The following LINGO2 variants were observed in gnomAD, a reference collection of about 807,000 sequenced individuals.
LINGO2 encodes leucine-rich repeat and immunoglobulin-like domain-containing nogo receptor-interacting protein 2.
LINGO2 carries 14 observed loss-of-function variants against 30.6 expected under a neutral mutation model. The observed-to-expected ratio is 0.46, with a 90% CI of 0.30 to 0.72. LINGO2 has a LOEUF of 0.72. Among genes scored for constraint, LINGO2 ranks in the 30% least tolerant of loss-of-function variants. The pLI, the probability that LINGO2 is intolerant of heterozygous loss-of-function variation, is 0.07. For synonymous variants in LINGO2, 317 were observed against 288.5 expected (o/e 1.10, Z -1.00); for missense variants, 729 against 751.7 (o/e 0.97, Z 0.35).
At chr9:29,080,693 C>T in the LINGO2 span, among the ~76,000 whole-genome samples, 6 of 152,150 alleles carry the variant, frequency 3.9e-5, no homozygotes, top group East Asian at 3.9e-4. Context: ...GCCTTCATTT[C>T]GTTATGTACC....
At chr9:29,008,176 G>A in the LINGO2 span, among the ~76,000 whole-genome samples, 1 of 152,106 alleles carries the variant, frequency 6.6e-6, no homozygotes, top group Non-Finnish European at 1.5e-5. Flanking sequence ...AACATGTGAT[G>A]TTTGGTTTTC....
chr9:28,548,358 T>C (rs1459061082), intron 1 of LINGO2, among the ~76,000 whole-genome samples: 2 of 152,018 alleles, frequency 1.3e-5, no homozygotes, highest in East Asian at 3.9e-4. Flanking sequence ...GTTACACTAA[T>C]GAAAAATAAA....
At chr9:28,883,618 A>ATGTGTGTGTG in the LINGO2 span, among the ~76,000 whole-genome samples, 11 of 36,296 alleles carry the variant, frequency 3.0e-4, no homozygotes, top group South Asian at 1.4e-3. Flanking sequence ...TATATAAAAT[A>ATGTGTGTGTG]TGTGTGTGTG....
intron 5 of LINGO2, among the ~76,000 whole-genome samples, chr9:27,994,037 A>T (rs1273128290): frequency 6.6e-6 from 1 of 152,138 alleles, no homozygotes; most frequent in East Asian, 1.9e-4. Context: ...ATTAATCAAC[A>T]TACTCCTGAA....
the LINGO2 span, among the ~76,000 whole-genome samples, chr9:29,087,066 G>A: frequency 4.5e-3 from 680 of 152,106 alleles, 2 homozygotes; most frequent in African/African-American, 0.016. Context: ...TAGTAGAGAC[G>A]GGGTTTCACC....
chr9:28,547,807 T>A (rs1171396653), intron 1 of LINGO2, among the ~76,000 whole-genome samples: 2 of 151,918 alleles, frequency 1.3e-5, no homozygotes, highest in African/African-American at 2.4e-5. Flanking sequence ...ATATACAGAG[T>A]GAATGGTGAA....
At chr9:28,204,061 G>A (rs540705959) in intron 4 of LINGO2, among the ~76,000 whole-genome samples, 2 of 152,200 alleles carry the variant, frequency 1.3e-5, no homozygotes, top group South Asian at 4.1e-4. Flanking sequence ...GCCACAAAGG[G>A]CTAGTGTTGC....
intron 2 of LINGO2, among the ~76,000 whole-genome samples, chr9:28,463,328 G>A (rs1033183746): frequency 6.6e-6 from 1 of 151,850 alleles, no homozygotes; most frequent in African/African-American, 2.4e-5. Context: ...TCGATTTTTT[G>A]AATGAGTGGG....
intron 5 of LINGO2, among the ~76,000 whole-genome samples, chr9:27,992,520 G>A (rs901363434): frequency 6.6e-6 from 1 of 152,026 alleles, no homozygotes; most frequent in African/African-American, 2.4e-5. Context: ...AATTAAAATA[G>A]TTATGTAATG....
intron 2 of LINGO2, among the ~76,000 whole-genome samples, chr9:28,467,743 T>C (rs1055223802): frequency 1.3e-5 from 2 of 152,132 alleles, no homozygotes; most frequent in Non-Finnish European, 2.9e-5. Flanking sequence ...ACAGTGCTTA[T>C]TGGGGTCATA....
At chr9:29,164,495 G>A in the LINGO2 span, among the ~76,000 whole-genome samples, 21 of 142,468 alleles carry the variant, frequency 1.5e-4, no homozygotes, top group Admixed American at 4.5e-4. Flanking sequence ...AAAATCATAC[G>A]ATGTTATCAA....
chr9:29,137,692 T>C, the LINGO2 span, among the ~76,000 whole-genome samples: 1 of 152,020 alleles, frequency 6.6e-6, no homozygotes, highest in African/African-American at 2.4e-5. Context: ...CTTTTCGGAG[T>C]GAAGGCTGAG....
chr9:28,297,111 G>T (rs1490178595), intron 3 of LINGO2, among the ~76,000 whole-genome samples: 1 of 152,184 alleles, frequency 6.6e-6, no homozygotes, highest in African/African-American at 2.4e-5. Flanking sequence ...TGGGTTTGAA[G>T]TGAGAAATTT....
chr9:28,992,864 AGT>A, the LINGO2 span, among the ~76,000 whole-genome samples: 1 of 152,114 alleles, frequency 6.6e-6, no homozygotes, highest in South Asian at 2.1e-4. Flanking sequence ...CATTCAAAGC[AGT>A]GTGTAGAGGG....
intron 1 of LINGO2, among the ~76,000 whole-genome samples, chr9:28,505,456 A>C (rs1820070272): frequency 6.6e-6 from 1 of 151,974 alleles, no homozygotes. Flanking sequence ...AGTTTTGGAA[A>C]GTTGAAAATG....
At position 28,666,184 on chromosome 9, in the gene LINGO2, G is replaced by A. The variant is rs116108185; in HGVS notation, c.-365+4016C>T. Among the ~76,000 whole-genome samples, 411 of 152,150 alleles carry A rather than the reference G, an allele frequency of 2.7e-3. 2 individuals carry two copies. The highest frequency in any genetic ancestry group is 8.7e-3 in the African/African-American group (361 of 41,512). On this transcript the variant is annotated intron_variant, in intron 1 of 5. Transcript: ENST00000379992. ...TGGGATTACAGGTGTGAGTCACTGC[G>A]CCCGGCTTAGTGTTACTTTTTAAGA...
chr9:28,284,826 G>T (rs1395468739), intron 4 of LINGO2, among the ~76,000 whole-genome samples: 2 of 152,122 alleles, frequency 1.3e-5, no homozygotes, highest in Non-Finnish European at 2.9e-5. Flanking sequence ...GGTAATCTAT[G>T]GCTGTAAAGA....
chr9:28,548,727 AAAAT>A (rs1434503362), intron 1 of LINGO2, among the ~76,000 whole-genome samples: 20 of 149,992 alleles, frequency 1.3e-4, no homozygotes, highest in Admixed American at 6.7e-4. Context: ...AAAAAAAAAA[AAAAT>A]ATTTGATTCT....
At chr9:28,466,173 T>C (rs1214864399) in intron 2 of LINGO2, among the ~76,000 whole-genome samples, 1 of 152,216 alleles carries the variant, frequency 6.6e-6, no homozygotes, top group Non-Finnish European at 1.5e-5. Context: ...CCTATGTTTA[T>C]TGCAGCACTG....
Sources: gnomAD v4.1 joint callset for allele counts (sites outside exome capture counted in the v4.1 genomes callset) on GRCh38, gnomAD v4.1.1 for gene constraint, MANE v1.5 for transcripts, NCBI Gene and HGNC (gene_info 2026-07-23, HGNC 2026-07-21) for gene names.